NKIRAS1: variants seen among roughly 807,000 people sequenced by gnomAD.
The protein encoded by NKIRAS1 is NF-kappa-B inhibitor-interacting Ras-like protein 1.
A neutral mutation model predicts 19.8 loss-of-function variants in NKIRAS1; 16 were observed. That is an observed-to-expected ratio of 0.81 (90% CI 0.55 to 1.23). NKIRAS1 has a LOEUF of 1.23. Among genes scored for constraint, NKIRAS1 ranks in the 50% most tolerant of loss-of-function variants. The pLI, the probability that NKIRAS1 is intolerant of heterozygous loss-of-function variation, is 0.00. For missense variants in NKIRAS1, 184 were observed against 220.0 expected (o/e 0.84, Z 1.04); for synonymous variants, 88 against 79.0 (o/e 1.11, Z -0.61).
At position 23,927,281 on chromosome 3, in the gene NKIRAS1, A is replaced by G. The variant is rs1274996519; in HGVS notation, c.-139-15831T>C. Among the ~76,000 whole-genome samples the G allele has an allele frequency of 1.3e-5, 2 of 152,174 alleles. No individual in the cohort carries two copies. The highest frequency in any genetic ancestry group is 4.8e-5 in the African/African-American group (2 of 41,446). On this transcript the variant is annotated intron_variant, in intron 1 of 4. Transcript: ENST00000421515. This position sits in a 1 kb window ranked among gnomAD's most constrained non-coding sequence, Gnocchi z 4.0. ...ACGTCTGTAATCCCAGCACTTTGGG[A>G]GGCCAAGGTGGGAGGATCCCTTGAG... is the stretch of plus-strand genomic sequence containing the variant.
At chr3:23,904,493 G>A (rs1223806635) in intron 3 of NKIRAS1, among the ~76,000 whole-genome samples, 1 of 152,186 alleles carries the variant, frequency 6.6e-6, no homozygotes, top group Non-Finnish European at 1.5e-5. Flanking sequence ...AATCTTTCAT[G>A]AGGGATTAGT....
At chr3:23,908,449 T>A (rs1703291629) in intron 3 of NKIRAS1, among the ~76,000 whole-genome samples, 1 of 152,230 alleles carries the variant, frequency 6.6e-6, no homozygotes, top group African/African-American at 2.4e-5. Flanking sequence ...ATTTTCTTCA[T>A]ATATTTCAAC....
At chr3:23,912,004 T>C (rs1703790393) in intron 1 of NKIRAS1, among the ~76,000 whole-genome samples, 1 of 151,674 alleles carries the variant, frequency 6.6e-6, no homozygotes, top group South Asian at 2.1e-4. Context: ...CCTCAAGTGA[T>C]CCGCCTGCCT....
chr3:23,916,154 A>C (rs1448063544), intron 1 of NKIRAS1: 1 of 152,210 alleles, frequency 6.6e-6, no homozygotes, highest in East Asian at 1.9e-4. Flanking sequence ...AAAAAAGATA[A>C]TCAAAACCGC....
chr3:23,892,158 CTAAG>C lies in NKIRAS1; in HGVS notation c.*933_*936del, dbSNP rs1402118649. 1 of 152,210 alleles carries C rather than the reference CTAAG, an allele frequency of 6.6e-6. No individual in the cohort carries two copies. The highest frequency in any genetic ancestry group is 2.4e-5 in the African/African-American group (1 of 41,458). 9.4% of individuals were successfully genotyped at this position (152,210 alleles called of 1,614,324 possible). ...AATAGTTATTTCACAGGTGAAACCA[CTAAG>C]TAGCTTACTTCCTACCTTTTAAATT... On this transcript the variant is annotated 3_prime_UTR_variant, in exon 5 of 5. Coordinates refer to ENST00000425478, the MANE Select transcript of NKIRAS1 (RefSeq NM_020345.4).
intron 4 of NKIRAS1, among the ~76,000 whole-genome samples, chr3:23,899,431 T>C (rs1329492017): frequency 2.0e-5 from 3 of 152,252 alleles, no homozygotes; most frequent in Admixed American, 6.5e-5. Context: ...TAAGAACATC[T>C]AGCCAGTACT....
At chr3:23,908,583 A>G (rs935160853) in intron 3 of NKIRAS1, among the ~76,000 whole-genome samples, 2 of 152,234 alleles carry the variant, frequency 1.3e-5, no homozygotes, top group Admixed American at 1.3e-4. Context: ...TTCTATTTTG[A>G]AAATATAATT....
intron 3 of NKIRAS1, among the ~76,000 whole-genome samples, chr3:23,907,575 T>C (rs1451200964): frequency 6.6e-6 from 1 of 152,246 alleles, no homozygotes; most frequent in Non-Finnish European, 1.5e-5. Context: ...TTGATATTTG[T>C]ACTGATGTTG....
chr3:23,902,167 A>G (rs1385502408), intron 3 of NKIRAS1, among the ~76,000 whole-genome samples: 1 of 152,188 alleles, frequency 6.6e-6, no homozygotes, highest in African/African-American at 2.4e-5. Context: ...CCCCAATCAT[A>G]CTATGTTATA....
At position 23,933,676 on chromosome 3, in the gene NKIRAS1, C is replaced by T. The variant is rs369961987; in HGVS notation, c.-140+12647G>A. On this transcript the variant is annotated intron_variant, in intron 1 of 4. Coordinates refer to the NKIRAS1 transcript ENST00000421515. ...TTTTTTTTGGTCCTGCTTTTTTATA[C>T]GTGCATTCTCAAGGGGGTAATATCA... is the stretch of plus-strand genomic sequence containing the variant. 1.1e-4 allele frequency among the ~76,000 whole-genome samples: 17 copies of T among 152,228 alleles called. 1 individual carries two copies. In the South Asian group the frequency reaches 1.7e-3, roughly 15 times the overall value.
At chr3:23,901,307 TA>T (rs1702500138) in intron 3 of NKIRAS1, among the ~76,000 whole-genome samples, 1 of 151,780 alleles carries the variant, frequency 6.6e-6, no homozygotes, top group South Asian at 2.1e-4. Context: ...GCCTCCCAAG[TA>T]GTCCCTCCCA....
chr3:23,919,047 G>T, upstream of NKIRAS1: 1 of 626,134 alleles, frequency 1.6e-6, no homozygotes, highest in East Asian at 2.7e-5. Flanking sequence ...TTACACTTGT[G>T]ATAGTCTAGG....
intron 1 of NKIRAS1, among the ~76,000 whole-genome samples, chr3:23,941,358 G>A (rs763772664): frequency 3.4e-4 from 52 of 152,128 alleles, no homozygotes; most frequent in Non-Finnish European, 6.9e-4. Context: ...TATCTAGATG[G>A]ACCTATCTTG....
intron 4 of NKIRAS1, among the ~76,000 whole-genome samples, chr3:23,897,136 G>C (rs999177689): frequency 6.6e-6 from 1 of 152,048 alleles, no homozygotes; most frequent in African/African-American, 2.4e-5. Flanking sequence ...ACTGGAGCCT[G>C]GGAGTTTTAG....
intron 4 of NKIRAS1, among the ~76,000 whole-genome samples, chr3:23,895,053 T>G (rs1008743919): frequency 1.3e-5 from 2 of 152,162 alleles, no homozygotes; most frequent in African/African-American, 2.4e-5. Flanking sequence ...TTTTGTTTGT[T>G]TTTTTTAAAG....
chr3:23,940,547 ATTGAT>A (rs1320279471), intron 1 of NKIRAS1, among the ~76,000 whole-genome samples: 1 of 152,128 alleles, frequency 6.6e-6, no homozygotes, highest in African/African-American at 2.4e-5. Context: ...GTGTCAATGG[ATTGAT>A]TCAGTTTGAA....
intron 1 of NKIRAS1, among the ~76,000 whole-genome samples, chr3:23,938,507 C>G (rs1705437846): frequency 6.6e-6 from 1 of 152,180 alleles, no homozygotes; most frequent in Non-Finnish European, 1.5e-5. Flanking sequence ...CCACCATGCC[C>G]AGCCATGTTA....
Position 23,926,108 on chromosome 3 carries a change from T to C in NKIRAS1, c.-139-14658A>G, listed in dbSNP as rs1455469891. 1.3e-5 allele frequency among the ~76,000 whole-genome samples: 2 copies of C among 152,210 alleles called. No homozygotes were observed. Among genetic ancestry groups the C allele is most frequent in the South Asian group, 2.1e-4 (1 of 4,834 alleles). Reference sequence around the variant, plus strand: ...CTCTGTCGCCCAGGCTGGAGTGCAGTGGCACAATCTTGGCTCACTGTAACC... The same window carrying C: ...CTCTGTCGCCCAGGCTGGAGTGCAGCGGCACAATCTTGGCTCACTGTAACC... On this transcript the variant is annotated intron_variant, in intron 1 of 4. Transcript: ENST00000421515. The surrounding 1 kb of genome is among the most constrained non-coding windows in gnomAD (Gnocchi z 4.3).
At chr3:23,943,409 T>G (rs1705546021) in intron 1 of NKIRAS1, among the ~76,000 whole-genome samples, 1 of 152,220 alleles carries the variant, frequency 6.6e-6, no homozygotes, top group East Asian at 1.9e-4. Context: ...TTTTGTATTT[T>G]TAGTAGAGAT....
Sources: allele counts gnomAD v4.1 joint callset (sites outside exome capture counted in the v4.1 genomes callset), GRCh38; gene constraint gnomAD v4.1.1; non-coding constraint Gnocchi (gnomAD v3.1); transcripts MANE v1.5; gene names NCBI Gene and HGNC (gene_info 2026-07-23, HGNC 2026-07-21).